Variants in FSD2 observed in about 807,000 individuals in gnomAD.
FSD2 encodes fibronectin type III and SPRY domain-containing protein 2.
Under a neutral mutation model 80.4 loss-of-function variants are expected in FSD2, and 71 were observed. The ratio of observed to expected loss-of-function variants is 0.88; its 90% CI spans 0.73 to 1.08. FSD2 has a LOEUF of 1.08. Among genes scored for constraint, FSD2 ranks in the 50% least tolerant of loss-of-function variants. The probability of loss-of-function intolerance (pLI) is 0.00; values close to 1 mark genes in which losing one functional copy is unlikely to be tolerated. For missense variants in FSD2, 923 were observed against 913.8 expected (o/e 1.01, Z -0.13); for synonymous variants, 361 against 329.5 (o/e 1.10, Z -1.03).
rs201497392 is a variant in FSD2 at position 82,787,251 on chromosome 15, A to T, written c.140T>A (p.Val47Asp). 7.4e-5 allele frequency: 120 copies of T among 1,613,690 alleles called. No individual in the cohort carries two copies. The African/African-American group carries it at 1.3e-3, about 18-fold the overall frequency. The stretch of plus-strand genomic sequence containing the variant: ...TGACTCATTGGCCATTTCAGCTTGG[A>T]CTACTTTCCTCATCCTAGTGTTCTC... Reference protein sequence around the residue: ...PEENTRMRKVVQAEMANESRG... With the variant: ...PEENTRMRKVDQAEMANESRG... The change falls in exon 2 of 13, where the codon GTC becomes GAC. Residue 47 changes from valine (V) to aspartate (D), a missense_variant. By Grantham distance (152) the Val-to-Asp change is radical (BLOSUM62 -3). Transcript: ENST00000334574.
At chr15:82,794,553 T>G (rs1279165293) in intron 1 of FSD2, among the ~76,000 whole-genome samples, 1 of 152,190 alleles carries the variant, frequency 6.6e-6, no homozygotes, top group Non-Finnish European at 1.5e-5. Flanking sequence ...ATCTTCTGCT[T>G]AGTCATTCTA....
chr15:82,801,926 G>T (rs1039327298), intron 1 of FSD2, among the ~76,000 whole-genome samples: 10 of 152,208 alleles, frequency 6.6e-5, no homozygotes, highest in African/African-American at 2.2e-4. Context: ...AGAAGGATGA[G>T]TGGAGGTAGG....
At position 82,786,807 on chromosome 15, in the gene FSD2, T is replaced by G. The variant is rs1169409720; in HGVS notation, c.584A>C (p.Asp195Ala). Reference protein sequence around the residue: ...TPIRAFQKVFDEHKEHEVIPL... With the variant: ...TPIRAFQKVFAEHKEHEVIPL... Reference sequence around the variant, plus strand: ...GATCACTTCATGCTCCTTATGTTCATCAAAAACCTTCTGAAAAGCTCTTAT... The same window carrying G: ...GATCACTTCATGCTCCTTATGTTCAGCAAAAACCTTCTGAAAAGCTCTTAT... The change falls in exon 2 of 13, where the codon GAT (aspartate) becomes GCT (alanine). Residue 195 changes from aspartate to alanine, a missense_variant. Physicochemically the swap from Asp to Ala is moderately radical, Grantham distance 126. Transcript: ENST00000334574. 1 of 1,613,926 alleles carries G rather than the reference T, an allele frequency of 6.2e-7. No homozygotes were observed. The highest frequency in any genetic ancestry group is 8.5e-7 in the Non-Finnish European group (1 of 1,179,896).
chr15:82,786,551 T>C lies in FSD2; in HGVS notation c.695A>G (p.Asn232Ser). ...KLEKQIIEME[N>S]FANHLEEVFI... The stretch of plus-strand genomic sequence containing the variant: ...AACCTCCTCCAAATGATTTGCAAAG[T>C]TTTCCATCTCAATTATCTGCTTTTC... The change falls in exon 3 of 13, where the codon AAC becomes AGC. Residue 232 changes from asparagine (N) to serine (S), a missense_variant. By Grantham distance (46) the Asn-to-Ser change is conservative. Coordinates refer to ENST00000334574, the MANE Select transcript of FSD2 (RefSeq NM_001007122.4). 1 of 1,613,688 alleles carries C rather than the reference T, an allele frequency of 6.2e-7. No homozygotes were observed. The highest frequency in any genetic ancestry group is 8.5e-7 in the Non-Finnish European group (1 of 1,179,728).
intron 3 of FSD2, among the ~76,000 whole-genome samples, chr15:82,785,544 G>C (rs548760472): frequency 6.6e-6 from 1 of 151,994 alleles, no homozygotes; most frequent in Admixed American, 6.6e-5. Context: ...GTCTGGTCTC[G>C]AACTCCTAAC....
Position 82,755,758 on chromosome 15 carries a change from G to C in FSD2, c.*3590C>G. 1 of 225,108 alleles carries C rather than the reference G, an allele frequency of 4.4e-6. No homozygotes were observed. The allele number at this position is 225,108 out of a possible 1,614,324, so 13.9% of individuals were successfully genotyped here. On this transcript the variant is annotated 3_prime_UTR_variant, in exon 13 of 13. Transcript: ENST00000334574. ...ACTTCCTGATGACAGAAAAGATGCT[G>C]ACCAGCTGGGGTCTTCTTTCCAAAT...
intron 12 of FSD2, among the ~76,000 whole-genome samples, chr15:82,761,513 G>A (rs2049295491): frequency 6.6e-6 from 1 of 152,092 alleles, no homozygotes; most frequent in South Asian, 2.1e-4. Context: ...TACTAAAGGT[G>A]AACAGAAATG....
chr15:82,800,667 G>A (rs895899534), intron 1 of FSD2, among the ~76,000 whole-genome samples: 1 of 133,908 alleles, frequency 7.5e-6, no homozygotes, highest in African/African-American at 2.8e-5. Flanking sequence ...ACTCCAGCCT[G>A]GGGGATAGAG....
chr15:82,797,694 C>A (rs1490757260), intron 1 of FSD2, among the ~76,000 whole-genome samples: 1 of 152,106 alleles, frequency 6.6e-6, no homozygotes, highest in Non-Finnish European at 1.5e-5. Context: ...CCTGTAGTCC[C>A]AGCTACTTGG....
intron 1 of FSD2, among the ~76,000 whole-genome samples, chr15:82,796,964 A>G (rs1338696842): frequency 6.6e-6 from 1 of 150,782 alleles, no homozygotes; most frequent in Non-Finnish European, 1.5e-5. Context: ...GTAAAACTAT[A>G]CCTCTCACTT....
rs1369997935 is a variant in FSD2, at chr15:82,768,979, G to A, written c.1454C>T (p.Ala485Val). The A allele has an allele frequency of 1.2e-6, 2 of 1,605,640 alleles. No homozygotes were observed. Among genetic ancestry groups the A allele is most frequent in the South Asian group, 1.1e-5 (1 of 89,048 alleles). The change falls in exon 9 of 13, where the codon GCT (alanine) becomes GTT (valine). Residue 485 changes from alanine (A) to valine (V), a missense_variant. Coordinates refer to ENST00000334574, the MANE Select transcript of FSD2 (RefSeq NM_001007122.4). ...CCCAGACTCCCAGCAAATCAGCACAGCCTCTTCACAGCTCCTTATCTCTTT... is the reference window on the plus strand; with the variant it reads ...CCCAGACTCCCAGCAAATCAGCACAACCTCTTCACAGCTCCTTATCTCTTT... The part of the protein sequence containing the change: ...KTKEIRSCEE[A>V]VLICWESGNL...
At chr15:82,773,621 C>T (rs998241895) in intron 6 of FSD2, among the ~76,000 whole-genome samples, 9 of 152,138 alleles carry the variant, frequency 5.9e-5, no homozygotes, top group Admixed American at 5.9e-4. Context: ...CAGCACCATT[C>T]CTAGATGGGG....
chr15:82,785,568 C>T (rs2049975657), intron 3 of FSD2, among the ~76,000 whole-genome samples: 1 of 152,146 alleles, frequency 6.6e-6, no homozygotes, highest in Non-Finnish European at 1.5e-5. Flanking sequence ...AGGTGATCCA[C>T]CCGCCTTGGC....
At chr15:82,772,256 G>T in intron 6 of FSD2, 28 bp from the exon 7 acceptor site, 2 of 1,585,470 alleles carry the variant, frequency 1.3e-6, no homozygotes, top group Non-Finnish European at 8.6e-7. Context: ...AAAAGAAGAG[G>T]AACCTCTAAT....
chr15:82,760,378 C>T (rs191087365), intron 12 of FSD2, among the ~76,000 whole-genome samples: 1 of 152,314 alleles, frequency 6.6e-6, no homozygotes, highest in East Asian at 1.9e-4. Flanking sequence ...TATCCATGCT[C>T]TACATCCTGT....
rs1355329206 is a variant in FSD2 at position 82,757,543 on chromosome 15, A to G, written c.*1805T>C. ...GAGACGGGGTTTCACCGTATTAGCCAGGATGGTCTCGATCTCCTGACCTTG... is the reference window on the plus strand; with the variant it reads ...GAGACGGGGTTTCACCGTATTAGCCGGGATGGTCTCGATCTCCTGACCTTG... On this transcript the variant is annotated 3_prime_UTR_variant, in exon 13 of 13. Coordinates refer to ENST00000334574, the MANE Select transcript of FSD2 (RefSeq NM_001007122.4). The G allele has an allele frequency of 1.3e-5, 2 of 152,116 alleles. No individual in the cohort carries two copies. The highest frequency in any genetic ancestry group is 2.9e-5 in the Non-Finnish European group (2 of 68,054). 9.4% of individuals were successfully genotyped at this position (152,116 alleles called of 1,614,324 possible).
chr15:82,786,702 A>T (rs2050005947), intron 2 of FSD2, 50 bp downstream of exon 2: 1 of 1,608,748 alleles, frequency 6.2e-7, no homozygotes, highest in Admixed American at 1.7e-5. Flanking sequence ...TATGTACTTG[A>T]GATACCAAAG....
chr15:82,786,567 T>C lies in FSD2; in HGVS notation c.679A>G (p.Ile227Val). 1.2e-6 allele frequency: 2 copies of C among 1,613,696 alleles called. No homozygotes were observed. Among genetic ancestry groups the C allele is most frequent in the Non-Finnish European group, 1.7e-6 (2 of 1,179,716 alleles). ...TTTGCAAAGTTTTCCATCTCAATTATCTGCTTTTCCAATTTGTACATGTTT... is the reference window on the plus strand; with the variant it reads ...TTTGCAAAGTTTTCCATCTCAATTACCTGCTTTTCCAATTTGTACATGTTT... ...HKNMYKLEKQ[I>V]IEMENFANHL... The change falls in exon 3 of 13, where the codon ATA becomes GTA. Residue 227 changes from isoleucine (I) to valine (V), a missense_variant. Transcript: ENST00000334574.
intron 1 of FSD2, among the ~76,000 whole-genome samples, chr15:82,798,160 G>T (rs1483710798): frequency 6.6e-6 from 1 of 151,934 alleles, no homozygotes; most frequent in Non-Finnish European, 1.5e-5. Context: ...GCAACAAAAA[G>T]AAACCTCACC....
Sources: gnomAD v4.1 joint callset for allele counts (sites outside exome capture counted in the v4.1 genomes callset) on GRCh38, gnomAD v4.1.1 for gene constraint, MANE v1.5 for transcripts, NCBI Gene and HGNC (gene_info 2026-07-23, HGNC 2026-07-21) for gene names.